UBE3B: variants seen among roughly 807,000 people sequenced by gnomAD.
UBE3B encodes ubiquitin protein ligase E3B, also known as ubiquitin-protein ligase E3B.
Under a neutral mutation model 132.3 loss-of-function variants are expected in UBE3B, and 80 were observed. The observed-to-expected ratio is 0.60, with a 90% CI of 0.50 to 0.73. The LOEUF (loss-of-function observed/expected upper bound fraction) is 0.73, where lower values mean the gene tolerates loss of function less well. Among genes scored for constraint, UBE3B ranks in the 30% least tolerant of loss-of-function variants. The pLI is 0.00. For synonymous variants in UBE3B, 487 were observed against 520.4 expected (o/e 0.94, Z 0.87); for missense variants, 1,196 against 1,362.5 (o/e 0.88, Z 1.92).
In UBE3B at chr12:109,534,866, C is replaced by A; in HGVS notation, c.*84C>A. The A allele has an allele frequency of 1.6e-6, 2 of 1,219,532 alleles. No homozygotes were observed. The highest frequency in any genetic ancestry group is 2.2e-6 in the Non-Finnish European group (2 of 890,148). 75.5% of individuals were successfully genotyped at this position (1,219,532 alleles called of 1,614,324 possible). ...AGGCAGTGTGGTCCTGGGAATGTGA[C>A]CAACATGCCAGGTGACATTGGCCCC... On this transcript the variant is annotated 3_prime_UTR_variant, in exon 28 of 28. Transcript: ENST00000342494. The surrounding 1 kb of genome is among the most constrained non-coding windows in gnomAD (Gnocchi z 5.2).
intron 1 of UBE3B, among the ~76,000 whole-genome samples, chr12:109,478,353 T>C (rs1447662602): frequency 3.9e-5 from 6 of 152,342 alleles, no homozygotes; most frequent in African/African-American, 1.4e-4. Context: ...TACTTAGTGA[T>C]AAATAACTGT....
intron 19 of UBE3B, 71 bp downstream of exon 19, chr12:109,516,955 G>T: frequency 1.3e-6 from 2 of 1,566,710 alleles, no homozygotes; most frequent in East Asian, 2.3e-5. Flanking sequence ...TTTAGTGGAC[G>T]GTCTCTGGCT....
chr12:109,515,526 C>T (rs7965599), intron 18 of UBE3B, among the ~76,000 whole-genome samples: 24,714 of 152,064 alleles, frequency 0.16, 2,067 homozygotes, highest in Non-Finnish European at 0.17. Context: ...TGTGCCACCA[C>T]GCCCAGCTAA....
chr12:109,487,704 A>G lies in UBE3B; in HGVS notation c.448-868A>G, dbSNP rs575829703. 2.0e-5 allele frequency among the ~76,000 whole-genome samples: 3 copies of G among 152,314 alleles called. No individual in the cohort carries two copies. In the South Asian group the frequency reaches 6.2e-4, roughly 32 times the overall value. On this transcript the variant is annotated intron_variant, in intron 6 of 27. Transcript: ENST00000342494. ...GGAGAAGCTCTTCTATTTTGGACAA[A>G]CAAAAAAAGTTTATGCAAAGAAACA... is the stretch of plus-strand genomic sequence containing the variant.
At chr12:109,507,504 G>C in intron 14 of UBE3B, 60 bp from the exon 15 acceptor site, 1 of 1,554,970 alleles carries the variant, frequency 6.4e-7, no homozygotes, top group Non-Finnish European at 8.7e-7. Context: ...CTGGATAGGA[G>C]AAATAACAGA....
chr12:109,539,988 T>A (rs181000807), downstream of UBE3B, among the ~76,000 whole-genome samples: 3 of 152,100 alleles, frequency 2.0e-5, no homozygotes, highest in African/African-American at 7.2e-5. Flanking sequence ...TGTCAGCTTA[T>A]AGACCTTCCA....
In UBE3B at chr12:109,524,510, C is replaced by T; in HGVS notation, c.2568+7C>T. 1.2e-6 allele frequency: 2 copies of T among 1,613,794 alleles called. No homozygotes were observed. The highest frequency in any genetic ancestry group is 2.2e-5 in the East Asian group (1 of 44,826). On this transcript the variant is annotated splice_region_variant and intron_variant, in intron 23 of 27. Coordinates refer to ENST00000342494, the MANE Select transcript of UBE3B (RefSeq NM_130466.4). ...CGAGGACGTCATGGGTCAGGTAGGTCCGCCCTTTGGCTGAGCTCCCTTTCC... is the reference window on the plus strand; with the variant it reads ...CGAGGACGTCATGGGTCAGGTAGGTTCGCCCTTTGGCTGAGCTCCCTTTCC...
intron 9 of UBE3B, among the ~76,000 whole-genome samples, chr12:109,494,656 A>G (rs889832504): frequency 2.0e-5 from 3 of 152,238 alleles, no homozygotes; most frequent in African/African-American, 7.2e-5. Flanking sequence ...TAGGCTAAAG[A>G]AAGATTCTGT....
At chr12:109,505,676 A>G (rs2135955733) in intron 14 of UBE3B, among the ~76,000 whole-genome samples, 1 of 152,302 alleles carries the variant, frequency 6.6e-6, no homozygotes, top group South Asian at 2.1e-4. Context: ...TTATAACCAC[A>G]TCCTCCTACC....
rs552570442 is a variant in UBE3B, at chr12:109,495,412, C to T, written c.714-2406C>T. 2.6e-5 allele frequency among the ~76,000 whole-genome samples: 4 copies of T among 152,244 alleles called. No homozygotes were observed. In the South Asian group the frequency reaches 8.3e-4, roughly 32 times the overall value. On this transcript the variant is annotated intron_variant, in intron 9 of 27. Coordinates refer to ENST00000342494, the MANE Select transcript of UBE3B (RefSeq NM_130466.4). ...ATTGAAGTCTAATTCACATCTCATA[C>T]ACTTTATTCATTTAAAGCATACCAT... is the stretch of plus-strand genomic sequence containing the variant.
chr12:109,506,718 G>T (rs140008717), intron 14 of UBE3B, among the ~76,000 whole-genome samples: 33 of 152,338 alleles, frequency 2.2e-4, no homozygotes, highest in Non-Finnish European at 3.7e-4. Context: ...CTGAGTAGTT[G>T]TAACAGTGTT....
chr12:109,511,166 TC>T (rs1880320145), intron 17 of UBE3B, 37 bp from the exon 18 acceptor site: 15 of 1,599,042 alleles, frequency 9.4e-6, no homozygotes, highest in Non-Finnish European at 1.3e-5. Context: ...ATGGTTTCCT[TC>T]TTTTAATTCT....
chr12:109,487,743 A>G (rs564823379), intron 6 of UBE3B, among the ~76,000 whole-genome samples: 18 of 152,338 alleles, frequency 1.2e-4, no homozygotes, highest in Non-Finnish European at 2.4e-4. Flanking sequence ...GTCAGGAGAA[A>G]AAGGGCCCTG....
chr12:109,498,829 G>GTT (rs1030888536), intron 11 of UBE3B, among the ~76,000 whole-genome samples: 34 of 142,562 alleles, frequency 2.4e-4, no homozygotes, highest in Non-Finnish European at 1.2e-4. Context: ...AGTTTTTTTT[G>GTT]TTTTTTTTTT....
intron 8 of UBE3B, chr12:109,490,251 T>C: frequency 1.0e-6 from 1 of 995,472 alleles, no homozygotes; most frequent in African/African-American, 1.6e-5. Flanking sequence ...TAATCCAGTC[T>C]TTTGACATTT....
chr12:109,516,703 T>A, intron 18 of UBE3B, 62 bp from the exon 19 acceptor site: 1 of 1,585,650 alleles, frequency 6.3e-7, no homozygotes, highest in Non-Finnish European at 8.6e-7. Context: ...TTTTGCAGAG[T>A]GTTTTTATGG....
chr12:109,520,692 G>A (rs1242854783), intron 19 of UBE3B: 1 of 153,188 alleles, frequency 6.5e-6, no homozygotes, highest in African/African-American at 2.4e-5. Flanking sequence ...GGCAGCGGGA[G>A]ATGAGGGGTG....
At chr12:109,541,241 C>G (rs1883604568), downstream of UBE3B, among the ~76,000 whole-genome samples, 1 of 152,160 alleles carries the variant, frequency 6.6e-6, no homozygotes, top group Admixed American at 6.5e-5. Context: ...ACAGCAGTTC[C>G]CAGATAAAGA....
the UBE3B span, among the ~76,000 whole-genome samples, chr12:109,542,195 G>A: frequency 2.6e-5 from 4 of 152,128 alleles, no homozygotes; most frequent in Non-Finnish European, 4.4e-5. Context: ...AATATTTGGC[G>A]CCTGTGTCAT....
Sources: allele counts gnomAD v4.1 joint callset (sites outside exome capture counted in the v4.1 genomes callset), GRCh38; gene constraint gnomAD v4.1.1; non-coding constraint Gnocchi (gnomAD v3.1); transcripts MANE v1.5; gene names NCBI Gene and HGNC (gene_info 2026-07-23, HGNC 2026-07-21).